ZNRF3: variants seen among roughly 807,000 people sequenced by gnomAD.
The protein encoded by ZNRF3 is E3 ubiquitin-protein ligase ZNRF3.
A neutral mutation model predicts 72.5 loss-of-function variants in ZNRF3; 23 were observed. That is an observed-to-expected ratio of 0.32 (90% confidence interval 0.23 to 0.45). The LOEUF (loss-of-function observed/expected upper bound fraction) is 0.45, where lower values mean the gene tolerates loss of function less well. Ranked by LOEUF, ZNRF3 falls within the 20% of genes least tolerant of loss-of-function variation. ZNRF3 has a pLI of 1.00. For synonymous variants in ZNRF3, 610 were observed against 545.3 expected (o/e 1.12, Z -1.65); for missense variants, 1,169 against 1,272.1 (o/e 0.92, Z 1.23).
intron 1 of ZNRF3, among the ~76,000 whole-genome samples, chr22:28,926,956 T>C (rs2034614160): frequency 6.6e-6 from 1 of 151,572 alleles, no homozygotes; most frequent in Non-Finnish European, 1.5e-5. Flanking sequence ...ACCCTGTCTC[T>C]ACTAAAAATA....
At chr22:29,016,625 A>T (rs961709763) in intron 2 of ZNRF3, among the ~76,000 whole-genome samples, 3 of 152,222 alleles carry the variant, frequency 2.0e-5, no homozygotes, top group Non-Finnish European at 2.9e-5. Flanking sequence ...TATGTGCATG[A>T]CCTCTTACTA....
rs552471945 is a variant in ZNRF3 at position 29,053,722 on chromosome 22, AAC to A, written c.*106_*107del. 1.2e-4 allele frequency: 153 copies of A among 1,275,488 alleles called. 2 individuals carry two copies. The South Asian group carries it at 2.0e-3, about 17-fold the overall frequency. 79.0% of individuals were successfully genotyped at this position (1,275,488 alleles called of 1,614,324 possible). A position where few individuals can be genotyped will look rare whatever the true frequency, so the allele number is the denominator to read the frequency against. On this transcript the variant is annotated 3_prime_UTR_variant, in exon 9 of 9. Transcript: ENST00000544604. ...ACAAAAAATTTTTTTAGCTTTGACA[AAC>A]ACACAAAAGTGGTAATAAAGAGAGC... is the stretch of plus-strand genomic sequence containing the variant.
intron 1 of ZNRF3, among the ~76,000 whole-genome samples, chr22:28,960,594 A>G (rs1217761610): frequency 1.3e-5 from 2 of 152,210 alleles, no homozygotes; most frequent in Non-Finnish European, 2.9e-5. Context: ...CTTGGGTCAT[A>G]TTGATAGGGG....
At chr22:28,927,685 C>A (rs976021132) in intron 1 of ZNRF3, among the ~76,000 whole-genome samples, 13 of 152,194 alleles carry the variant, frequency 8.5e-5, no homozygotes, top group African/African-American at 3.1e-4. Flanking sequence ...ACAAGCTAAC[C>A]TGATTCTTAG....
intron 1 of ZNRF3, among the ~76,000 whole-genome samples, chr22:28,977,980 C>G (rs189054963): frequency 1.3e-5 from 2 of 152,180 alleles, no homozygotes; most frequent in African/African-American, 4.8e-5. Context: ...TGTCTGACAT[C>G]GTCTTTTGGC....
rs1601571163 is a variant in ZNRF3, at chr22:28,930,535, C to G, written c.300+46469C>G. Among the ~76,000 whole-genome samples the G allele has an allele frequency of 3.3e-5, 5 of 152,326 alleles. No homozygotes were observed. In the East Asian group the frequency reaches 9.6e-4, roughly 29 times the overall value. ...GCTTTCTCCATGGTTTTGGGACAAG[C>G]CCATCAGTAGGCACAAGCCTCAGGT... On this transcript the variant is annotated intron_variant, in intron 1 of 8. Coordinates refer to ENST00000544604, the MANE Select transcript of ZNRF3 (RefSeq NM_001206998.2).
intron 1 of ZNRF3, among the ~76,000 whole-genome samples, chr22:28,913,971 A>G (rs1189468287): frequency 2.0e-5 from 3 of 152,142 alleles, no homozygotes; most frequent in Non-Finnish European, 2.9e-5. Flanking sequence ...TCTGTGTGTA[A>G]TGTACTATGT....
In ZNRF3 at chr22:29,050,487, C is replaced by T. The variant is rs1018955684; in HGVS notation, c.2306C>T (p.Thr769Ile). 1.2e-6 allele frequency: 2 copies of T among 1,612,738 alleles called. No homozygotes were observed. Among genetic ancestry groups the T allele is most frequent in the African/African-American group, 2.7e-5 (2 of 74,944 alleles). The stretch of plus-strand genomic sequence containing the variant: ...CTTCACCCCGACCATTTGCCCAGGA[C>T]AGATGGGGTGAAATACGAGGGTCTG... Reference protein sequence around the residue: ...YGLHPDHLPRTDGVKYEGLPC... With the variant: ...YGLHPDHLPRIDGVKYEGLPC... Residue 769 changes from threonine to isoleucine, a missense_variant, in exon 8 of 9, where the codon ACA becomes ATA. Physicochemically the swap from Thr to Ile is moderately conservative, Grantham distance 89 (BLOSUM62 -1). Transcript: ENST00000544604.
At chr22:28,900,329 G>A (rs1052177864) in intron 1 of ZNRF3, among the ~76,000 whole-genome samples, 7 of 152,192 alleles carry the variant, frequency 4.6e-5, no homozygotes, top group Non-Finnish European at 1.0e-4. Context: ...CCCTGCTCAC[G>A]AGCTTCGGCA....
chr22:28,958,673 A>C (rs2123801549), intron 1 of ZNRF3, among the ~76,000 whole-genome samples: 1 of 152,216 alleles, frequency 6.6e-6, no homozygotes, highest in African/African-American at 2.4e-5. Context: ...GCCCTTTTGG[A>C]GTACAGAGGA....
chr22:28,946,426 A>C (rs1300429510), intron 1 of ZNRF3, among the ~76,000 whole-genome samples: 4 of 152,210 alleles, frequency 2.6e-5, no homozygotes, highest in African/African-American at 9.6e-5. Flanking sequence ...TATATCGCTT[A>C]GCAGGAACTC....
intron 1 of ZNRF3, among the ~76,000 whole-genome samples, chr22:28,894,917 G>A (rs1045372938): frequency 1.3e-5 from 2 of 152,078 alleles, no homozygotes; most frequent in South Asian, 2.1e-4. Context: ...GTCCCATGAG[G>A]CAATAGCCTG....
chr22:29,005,956 C>T (rs1406982124), intron 2 of ZNRF3, among the ~76,000 whole-genome samples: 2 of 151,786 alleles, frequency 1.3e-5, no homozygotes, highest in Non-Finnish European at 2.9e-5. Flanking sequence ...ATCGCTTGAA[C>T]CCTGGAGGCA....
At chr22:29,007,461 ACCC>A (rs1331314044) in intron 2 of ZNRF3, among the ~76,000 whole-genome samples, 1 of 151,172 alleles carries the variant, frequency 6.6e-6, no homozygotes, top group Non-Finnish European at 1.5e-5. Flanking sequence ...ACATGGCGAG[ACCC>A]CCATCTCTAC....
At chr22:28,893,897 C>A (rs1002395167) in intron 1 of ZNRF3, among the ~76,000 whole-genome samples, 6 of 152,172 alleles carry the variant, frequency 3.9e-5, no homozygotes, top group African/African-American at 1.4e-4. Flanking sequence ...GATTGCTCTA[C>A]AGGAGTGGTC....
At chr22:29,032,033 G>A (rs2036770046) in intron 2 of ZNRF3, among the ~76,000 whole-genome samples, 1 of 152,216 alleles carries the variant, frequency 6.6e-6, no homozygotes, top group Non-Finnish European at 1.5e-5. Context: ...GAGAGCCAAG[G>A]CGCCAGAGCT....
rs144812385 is a variant in ZNRF3 at position 28,978,799 on chromosome 22, T to C, written c.301-8277T>C. On this transcript the variant is annotated intron_variant, in intron 1 of 8. Coordinates refer to ENST00000544604, the MANE Select transcript of ZNRF3 (RefSeq NM_001206998.2). Reference sequence around the variant, plus strand: ...CTCTGTGATTCTTTCTAAATTTCTGTAACTCTTATAGTCAATTGCAGAATA... The same window carrying C: ...CTCTGTGATTCTTTCTAAATTTCTGCAACTCTTATAGTCAATTGCAGAATA... 5.3e-3 allele frequency among the ~76,000 whole-genome samples: 805 copies of C among 152,334 alleles called. 9 individuals carry two copies. The highest frequency in any genetic ancestry group is 0.019 in the African/African-American group (778 of 41,568).
intron 2 of ZNRF3, chr22:29,025,423 C>T (rs998822085): frequency 1.1e-4 from 17 of 152,242 alleles, no homozygotes; most frequent in Admixed American, 1.1e-3. Flanking sequence ...TTCCTGACCA[C>T]ACCAGCCTAT....
intron 1 of ZNRF3, among the ~76,000 whole-genome samples, chr22:28,909,379 G>T (rs1354397147): frequency 6.6e-6 from 1 of 151,972 alleles, no homozygotes; most frequent in Non-Finnish European, 1.5e-5. Flanking sequence ...GGGCGTGTTG[G>T]GCCTGTTTAC....
Sources: gnomAD v4.1 joint callset for allele counts (sites outside exome capture counted in the v4.1 genomes callset) on GRCh38, gnomAD v4.1.1 for gene constraint, MANE v1.5 for transcripts, NCBI Gene and HGNC (gene_info 2026-07-23, HGNC 2026-07-21) for gene names.